Variants in CCR5AS observed in about 807,000 individuals in gnomAD.
The protein encoded by CCR5AS is CCR5 antisense RNA.
At chr3:46,373,711 G>A in intron 2 of CCR5AS, 1 of 1,614,106 alleles carries the variant, frequency 6.2e-7, no homozygotes, top group Non-Finnish European at 8.5e-7. Flanking sequence ...AATAATTGCA[G>A]TAGCTCTAAC....
chr3:46,393,224 G>A lies in CCR5AS; in HGVS notation n.164-172C>T, dbSNP rs548054066. The stretch of plus-strand genomic sequence containing the variant: ...CACTGTCCAGAAGGAATGTCACAAG[G>A]TCAATTGATCAGTTGGGGTGGGGCA... On this transcript the variant is annotated intron_variant and non_coding_transcript_variant, in intron 1 of 3. Transcript: ENST00000451485. Among the ~76,000 whole-genome samples, 53 of 152,238 alleles carry A rather than the reference G, an allele frequency of 3.5e-4. No individual in the cohort carries two copies. The South Asian group carries it at 0.01, about 29-fold the overall frequency.
chr3:46,395,091 C>A (rs1178949022), intron 1 of CCR5AS, among the ~76,000 whole-genome samples: 1 of 152,168 alleles, frequency 6.6e-6, no homozygotes, highest in Non-Finnish European at 1.5e-5. Context: ...AAAGCCCTGA[C>A]TGGAGAGAAG....
chr3:46,391,113 G>A (rs1446287851), intron 2 of CCR5AS, among the ~76,000 whole-genome samples: 1 of 152,238 alleles, frequency 6.6e-6, no homozygotes, highest in Non-Finnish European at 1.5e-5. Context: ...TGGTTGCCAG[G>A]CAAGTTGAAC....
intron 1 of CCR5AS, among the ~76,000 whole-genome samples, chr3:46,401,718 G>C (rs1702007821): frequency 6.6e-6 from 1 of 151,868 alleles, no homozygotes; most frequent in African/African-American, 2.4e-5. Context: ...GCTGGGGCAG[G>C]AGGTGCACTA....
intron 1 of CCR5AS, among the ~76,000 whole-genome samples, chr3:46,403,997 G>C (rs1027689068): frequency 1.3e-5 from 2 of 152,240 alleles, no homozygotes; most frequent in Admixed American, 6.5e-5. Context: ...TGGCAAAGGA[G>C]AAATGTTTAT....
At chr3:46,400,776 G>A (rs1701999854) in intron 1 of CCR5AS, among the ~76,000 whole-genome samples, 2 of 152,172 alleles carry the variant, frequency 1.3e-5, no homozygotes, top group Non-Finnish European at 1.5e-5. Flanking sequence ...TAAAATAGGG[G>A]CAACCAGGCA....
intron 1 of CCR5AS, among the ~76,000 whole-genome samples, chr3:46,396,137 AT>A (rs1056260840): frequency 1.3e-5 from 2 of 152,166 alleles, no homozygotes; most frequent in Admixed American, 1.3e-4. Flanking sequence ...TAAAGGGAAT[AT>A]TTTTTAAATG....
At chr3:46,375,314 GGATT>G (rs933906115) in intron 2 of CCR5AS, 2 of 167,158 alleles carry the variant, frequency 1.2e-5, no homozygotes, top group Admixed American at 1.3e-4. Context: ...ATCTAGGTGA[GGATT>G]GATTACCTAG....
At chr3:46,390,109 G>C (rs972373942) in intron 2 of CCR5AS, among the ~76,000 whole-genome samples, 1 of 152,106 alleles carries the variant, frequency 6.6e-6, no homozygotes, top group Admixed American at 6.5e-5. Flanking sequence ...AAAGGGCCTG[G>C]CCAAAGTAAT....
intron 3 of CCR5AS, among the ~76,000 whole-genome samples, chr3:46,368,074 G>A (rs1306228578): frequency 6.6e-6 from 1 of 152,044 alleles, no homozygotes; most frequent in Non-Finnish European, 1.5e-5. Context: ...TCCTGTTGAC[G>A]ATGCTCTGAA....
chr3:46,378,405 T>G (rs1022369536), intron 2 of CCR5AS, among the ~76,000 whole-genome samples: 6 of 152,168 alleles, frequency 3.9e-5, no homozygotes, highest in African/African-American at 1.4e-4. Flanking sequence ...TGATAATCCG[T>G]TTTGTGTCAT....
At chr3:46,373,778 CA>C in intron 2 of CCR5AS, 2 of 1,613,714 alleles carry the variant, frequency 1.2e-6, no homozygotes, top group African/African-American at 2.7e-5. Context: ...ACTGCTGCAT[CA>C]ACCCCATCAT....
chr3:46,379,601 A>G (rs1701798321), intron 2 of CCR5AS, among the ~76,000 whole-genome samples: 1 of 152,082 alleles, frequency 6.6e-6, no homozygotes, highest in Non-Finnish European at 1.5e-5. Context: ...CCTGCCTCTA[A>G]ATGCACTGCT....
chr3:46,373,777 T>A (rs773341558), intron 2 of CCR5AS: 1 of 1,613,816 alleles, frequency 6.2e-7, no homozygotes, highest in East Asian at 2.2e-5. Context: ...CACTGCTGCA[T>A]CAACCCCATC....
At chr3:46,398,451 A>T (rs1228045464) in intron 1 of CCR5AS, among the ~76,000 whole-genome samples, 7 of 152,238 alleles carry the variant, frequency 4.6e-5, no homozygotes, top group Non-Finnish European at 8.8e-5. Flanking sequence ...TCCACGCACT[A>T]GTATAACCCT....
chr3:46,378,795 G>T (rs1016127742), intron 2 of CCR5AS, among the ~76,000 whole-genome samples: 6 of 152,120 alleles, frequency 3.9e-5, no homozygotes, highest in Non-Finnish European at 8.8e-5. Flanking sequence ...GTGGAATGAA[G>T]GTTCCAACAC....
At chr3:46,396,817 C>T (rs1412971472) in intron 1 of CCR5AS, among the ~76,000 whole-genome samples, 1 of 152,184 alleles carries the variant, frequency 6.6e-6, no homozygotes, top group Non-Finnish European at 1.5e-5. Flanking sequence ...TCCTGGAAGC[C>T]CTCCCCACAA....
chr3:46,399,383 C>T (rs573229899), intron 1 of CCR5AS, among the ~76,000 whole-genome samples: 1 of 152,200 alleles, frequency 6.6e-6, no homozygotes, highest in South Asian at 2.1e-4. Flanking sequence ...AGAAGCCAGG[C>T]TGCAGGGTGT....
intron 1 of CCR5AS, among the ~76,000 whole-genome samples, chr3:46,403,643 A>G (rs1240990349): frequency 6.6e-6 from 1 of 152,196 alleles, no homozygotes; most frequent in Admixed American, 6.5e-5. Flanking sequence ...ATGGATGCCC[A>G]AGAAGTTTGC....
Sources: gnomAD v4.1 joint callset for allele counts (sites outside exome capture counted in the v4.1 genomes callset) on GRCh38, gnomAD v4.1.1 for gene constraint, MANE v1.5 for transcripts, NCBI Gene and HGNC (gene_info 2026-07-23, HGNC 2026-07-21) for gene names.